The following LDLRAD3 variants were observed in gnomAD, a reference collection of about 807,000 sequenced individuals.
LDLRAD3 encodes low-density lipoprotein receptor class A domain-containing protein 3.
LDLRAD3 carries 20 observed loss-of-function variants against 29.4 expected under a neutral mutation model. The ratio of observed to expected loss-of-function variants is 0.68; its 90% confidence interval spans 0.48 to 0.99. The LOEUF (loss-of-function observed/expected upper bound fraction) is 0.99. Ranked by LOEUF, LDLRAD3 falls within the 50% of genes least tolerant of loss-of-function variation. The probability of loss-of-function intolerance (pLI) is 0.00; values close to 1 mark genes in which losing one functional copy is unlikely to be tolerated. For synonymous variants in LDLRAD3, 157 were observed against 192.7 expected (o/e 0.81, Z 1.53); for missense variants, 420 against 454.3 (o/e 0.92, Z 0.69).
intron 4 of LDLRAD3, among the ~76,000 whole-genome samples, chr11:36,196,035 A>T (rs1406538292): frequency 2.0e-5 from 3 of 151,876 alleles, no homozygotes; most frequent in Non-Finnish European, 4.4e-5. Flanking sequence ...AAGACAAAAA[A>T]AAAAAAAAGC....
Position 36,229,234 on chromosome 11 carries a change from C to G in LDLRAD3, c.875C>G (p.Pro292Arg), listed in dbSNP as rs202242031. The G allele has an allele frequency of 1.2e-3, 1,941 of 1,614,140 alleles. 8 individuals are homozygous for G. The highest frequency in any genetic ancestry group is 1.1e-3 in the Non-Finnish European group (1,349 of 1,180,026). Residue 292 changes from proline (P) to arginine (R), a missense_variant, in exon 6 of 6, where the codon CCC becomes CGC. Transcript: ENST00000315571. Reference sequence around the variant, plus strand: ...TCTCTGAACCAAGCCGACCTGCCCCCCTACCGCTCCCGGTCCGGGAGTGCC... The same window carrying G: ...TCTCTGAACCAAGCCGACCTGCCCCGCTACCGCTCCCGGTCCGGGAGTGCC... ...TESLNQADLP[P>R]YRSRSGSANS...
chr11:36,227,364 A>C lies in LDLRAD3; in HGVS notation c.734A>C (p.Gln245Pro), dbSNP rs1174735824. ...VNNGIQYVAS[Q>P]AEQNASEVGS... is the part of the protein sequence containing the mutation. ...AATGGCATCCAGTATGTGGCCAGCC[A>C]GGCGGAGCAGAATGCGTCGGAAGTA... The change falls in exon 5 of 6, where the codon CAG (glutamine) becomes CCG (proline). Residue 245 changes from glutamine (Q) to proline (P), a missense_variant. By Grantham distance (76) the Gln-to-Pro change is moderately conservative. Around this residue, in one of 3 missense-constraint regions of LDLRAD3, gnomAD observed 140 missense variants for 139.9 expected, o/e 1.00. Transcript: ENST00000315571. 1.2e-6 allele frequency: 2 copies of C among 1,613,868 alleles called. No homozygotes were observed. Among genetic ancestry groups the C allele is most frequent in the South Asian group, 2.2e-5 (2 of 90,972 alleles).
At chr11:36,159,425 C>T (rs55918021) in intron 4 of LDLRAD3, among the ~76,000 whole-genome samples, 10,944 of 151,074 alleles carry the variant, frequency 0.072, 629 homozygotes, top group East Asian at 0.31. Flanking sequence ...GCCGTGAGCA[C>T]GCCACTGGAC....
Position 36,229,745 on chromosome 11 carries a change from G to A in LDLRAD3, c.*348G>A. 1 of 220,740 alleles carries A rather than the reference G, an allele frequency of 4.5e-6. No homozygotes were observed. The highest frequency in any genetic ancestry group is 9.0e-6 in the Non-Finnish European group (1 of 111,542). 13.7% of individuals were successfully genotyped at this position (220,740 alleles called of 1,614,324 possible). On this transcript the variant is annotated 3_prime_UTR_variant, in exon 6 of 6. Transcript: ENST00000315571. ...GCAATGTTTCTGTGCTATATTGGAT[G>A]CTCAGAAGTGCAGGAGACGCTGGAC...
At chr11:36,228,429 C>T (rs558247697) in intron 5 of LDLRAD3, among the ~76,000 whole-genome samples, 2 of 152,274 alleles carry the variant, frequency 1.3e-5, no homozygotes, top group Non-Finnish European at 2.9e-5. Flanking sequence ...AAACAGAATG[C>T]GTGGGTTCAA....
At chr11:36,185,603 C>T (rs1320212240) in intron 4 of LDLRAD3, among the ~76,000 whole-genome samples, 2 of 151,850 alleles carry the variant, frequency 1.3e-5, no homozygotes, top group Non-Finnish European at 2.9e-5. Flanking sequence ...TAGCCTGTAC[C>T]TGGGCTCCCT....
chr11:36,010,641 T>A (rs1851943725), intron 1 of LDLRAD3, among the ~76,000 whole-genome samples: 1 of 152,122 alleles, frequency 6.6e-6, no homozygotes, highest in Non-Finnish European at 1.5e-5. Context: ...TTCCCACCCT[T>A]ATATCCTCCT....
chr11:35,950,797 A>C (rs1322328966), intron 1 of LDLRAD3, among the ~76,000 whole-genome samples: 2 of 152,274 alleles, frequency 1.3e-5, no homozygotes, highest in East Asian at 3.9e-4. Context: ...AAAATAATAC[A>C]CGGGGGCCAG....
At chr11:36,207,177 C>T (rs560394852) in intron 4 of LDLRAD3, among the ~76,000 whole-genome samples, 23 of 152,320 alleles carry the variant, frequency 1.5e-4, no homozygotes, top group African/African-American at 4.6e-4. Context: ...CTCAGTCCCT[C>T]ACTGGCTATC....
At chr11:36,081,626 T>C in intron 2 of LDLRAD3, 27 bp from the exon 3 acceptor site, 1 of 1,614,146 alleles carries the variant, frequency 6.2e-7, no homozygotes, top group Non-Finnish European at 8.5e-7. Context: ...TCTCCTGATG[T>C]CTTGCTGTTT....
At chr11:36,135,784 C>T (rs150950804) in intron 4 of LDLRAD3, among the ~76,000 whole-genome samples, 2,110 of 152,218 alleles carry the variant, frequency 0.014, 19 homozygotes, top group Non-Finnish European at 0.022. Flanking sequence ...GTGGTGCACA[C>T]CTGTAATCCC....
rs767297633 is a variant in LDLRAD3, at chr11:36,213,878, C to T, written c.455-13207C>T. Reference sequence around the variant, plus strand: ...TCTGCCATTCAGCACTCCCAAGGCCCGTTTTAATCTAGTGTGAAGGGTCAG... The same window carrying T: ...TCTGCCATTCAGCACTCCCAAGGCCTGTTTTAATCTAGTGTGAAGGGTCAG... On this transcript the variant is annotated intron_variant, in intron 4 of 5. Transcript: ENST00000315571. The surrounding 1 kb of genome is among the most constrained non-coding windows in gnomAD (Gnocchi z 4.1). 6.6e-6 allele frequency among the ~76,000 whole-genome samples: 1 copy of T among 152,132 alleles called. No individual in the cohort carries two copies. Among genetic ancestry groups the T allele is most frequent in the African/African-American group, 2.4e-5 (1 of 41,426 alleles).
chr11:35,993,437 C>G (rs7931245), intron 1 of LDLRAD3, among the ~76,000 whole-genome samples: 51,578 of 151,966 alleles, frequency 0.34, 8,942 homozygotes, highest in South Asian at 0.5. Flanking sequence ...GCTATTTTCT[C>G]AGGACTGTAG....
At chr11:36,166,812 G>A (rs1044098337) in intron 4 of LDLRAD3, among the ~76,000 whole-genome samples, 1 of 152,158 alleles carries the variant, frequency 6.6e-6, no homozygotes, top group African/African-American at 2.4e-5. Context: ...GTAGGTCCAG[G>A]ATGGGGCCAG....
chr11:36,229,481 T>C lies in LDLRAD3; in HGVS notation c.*84T>C. The C allele has an allele frequency of 1.1e-6, 1 of 930,860 alleles. No homozygotes were observed. The highest frequency in any genetic ancestry group is 1.7e-6 in the Non-Finnish European group (1 of 592,776). The allele number at this position is 930,860 out of a possible 1,614,324, so 57.7% of individuals were successfully genotyped here. ...CAATTTGTGCTCATGGGAAGCTCTT[T>C]AAGCACCTGTAAGGGTGTCTCAAGT... On this transcript the variant is annotated 3_prime_UTR_variant, in exon 6 of 6. Transcript: ENST00000315571.
chr11:36,148,774 G>A (rs1253444362), intron 4 of LDLRAD3, among the ~76,000 whole-genome samples: 1 of 152,198 alleles, frequency 6.6e-6, no homozygotes, highest in Non-Finnish European at 1.5e-5. Flanking sequence ...GGGACATGGT[G>A]CATTCACTTG....
chr11:36,110,373 GT>G (rs909003739), intron 4 of LDLRAD3, among the ~76,000 whole-genome samples: 5 of 152,090 alleles, frequency 3.3e-5, no homozygotes, highest in African/African-American at 1.2e-4. Flanking sequence ...TCTCTCCCCG[GT>G]GAATGGCGGA....
At chr11:36,008,091 A>T (rs1297107570) in intron 1 of LDLRAD3, among the ~76,000 whole-genome samples, 5 of 152,094 alleles carry the variant, frequency 3.3e-5, no homozygotes, top group Non-Finnish European at 7.3e-5. Context: ...TAAATATTAG[A>T]TGCTTGTAAA....
At chr11:36,191,574 C>CTA (rs1242651513) in intron 4 of LDLRAD3, among the ~76,000 whole-genome samples, 1,035 of 67,676 alleles carry the variant, frequency 0.015, 5 homozygotes, top group East Asian at 0.033. Flanking sequence ...CTCTCTCTCT[C>CTA]TCTATATATA....
Sources: gnomAD v4.1 joint callset for allele counts (sites outside exome capture counted in the v4.1 genomes callset) on GRCh38, gnomAD v4.1.1 for gene constraint, gnomAD v4.1.1 regional missense constraint, Gnocchi (gnomAD v3.1) non-coding constraint, MANE v1.5 for transcripts, NCBI Gene and HGNC (gene_info 2026-07-23, HGNC 2026-07-21) for gene names.